The following TBC1D5 variants were observed in gnomAD, a reference collection of about 807,000 sequenced individuals.
TBC1D5 encodes TBC1 domain family member 5.
Under a neutral mutation model 100.3 loss-of-function variants are expected in TBC1D5, and 75 were observed. The ratio of observed to expected loss-of-function variants is 0.75; its 90% CI spans 0.62 to 0.91. The LOEUF (loss-of-function observed/expected upper bound fraction) is 0.91, where lower values mean the gene tolerates loss of function less well. TBC1D5 is among the 40% of genes least tolerant of loss of function. The pLI is 0.00. For missense variants in TBC1D5, 910 were observed against 942.4 expected (o/e 0.97, Z 0.45); for synonymous variants, 323 against 325.6 (o/e 0.99, Z 0.09).
chr3:17,688,143 T>G (rs1260655567), intron 1 of TBC1D5, among the ~76,000 whole-genome samples: 7 of 152,150 alleles, frequency 4.6e-5, no homozygotes, highest in Admixed American at 2.0e-4. Context: ...TGGAGAACTG[T>G]TCACAGTATT....
At chr3:17,296,191 T>C (rs890395668) in intron 14 of TBC1D5, among the ~76,000 whole-genome samples, 4 of 152,170 alleles carry the variant, frequency 2.6e-5, no homozygotes, top group Non-Finnish European at 5.9e-5. Flanking sequence ...CAAATAATCA[T>C]GGATTAAGTA....
intron 1 of TBC1D5, among the ~76,000 whole-genome samples, chr3:17,655,551 C>T (rs931651345): frequency 1.3e-5 from 2 of 152,010 alleles, no homozygotes; most frequent in African/African-American, 4.8e-5. Flanking sequence ...CACATCGTGG[C>T]ATCCAAATAC....
intron 2 of TBC1D5, among the ~76,000 whole-genome samples, chr3:17,559,967 A>G (rs1003952380): frequency 6.6e-6 from 1 of 152,184 alleles, no homozygotes; most frequent in Non-Finnish European, 1.5e-5. Flanking sequence ...GTTACTTTAT[A>G]TAACAAAAAC....
intron 18 of TBC1D5, 114 bp downstream of exon 19, chr3:17,214,093 G>T: frequency 1.0e-6 from 1 of 990,386 alleles, no homozygotes; most frequent in Non-Finnish European, 1.4e-6. Flanking sequence ...ATTCCTTTTA[G>T]TCCATAAAAG....
At chr3:17,214,001 C>T (rs1486996724) in intron 18 of TBC1D5, among the ~76,000 whole-genome samples, 266 of 146,760 alleles carry the variant, frequency 1.8e-3, no homozygotes, top group African/African-American at 6.5e-3. Context: ...AATGATGCTA[C>T]TTTTTTTTTT....
intron 1 of TBC1D5, among the ~76,000 whole-genome samples, chr3:17,638,064 T>A (rs2064125625): frequency 6.6e-6 from 1 of 152,156 alleles, no homozygotes; most frequent in Non-Finnish European, 1.5e-5. Flanking sequence ...TGACAATAAT[T>A]GTGAAGTACT....
intron 1 of TBC1D5, among the ~76,000 whole-genome samples, chr3:17,676,589 T>G (rs1039323836): frequency 1.3e-5 from 2 of 152,166 alleles, no homozygotes; most frequent in African/African-American, 4.8e-5. Flanking sequence ...AGGTAATTTA[T>G]AGATTCAATG....
At chr3:17,529,778 C>G (rs555554818) in intron 2 of TBC1D5, among the ~76,000 whole-genome samples, 1 of 151,998 alleles carries the variant, frequency 6.6e-6, no homozygotes, top group South Asian at 2.1e-4. Flanking sequence ...TCTCGAGTAG[C>G]TGGGATTTGA....
chr3:17,291,932 G>C lies in TBC1D5; in HGVS notation c.1208C>G (p.Ser403Ter). The C allele has an allele frequency of 6.2e-7, 1 of 1,613,940 alleles. No homozygotes were observed. The highest frequency in any genetic ancestry group is 8.5e-7 in the Non-Finnish European group (1 of 1,179,864). ...AAGGAACAGAGCCTTAAGAATCAGT[G>C]AGTGTACATCCCCGATGAATGGGTA... Residue 403 changes from serine to a stop codon, truncating the protein, a stop_gained, in exon 15 of 22, where the codon TCA becomes TGA. Coordinates refer to ENST00000253692, the Ensembl canonical transcript of TBC1D5. LOFTEE classifies it high-confidence loss of function.
chr3:17,727,251 C>T (rs568425103), intron 1 of TBC1D5, among the ~76,000 whole-genome samples: 1 of 152,198 alleles, frequency 6.6e-6, no homozygotes, highest in African/African-American at 2.4e-5. Context: ...CACGGTGGCG[C>T]ATGCCTGTAA....
In TBC1D5 at chr3:17,223,759, G is replaced by A. The variant is rs567295261; in HGVS notation, c.1589-9389C>T. Among the ~76,000 whole-genome samples the A allele has an allele frequency of 2.0e-5, 3 of 152,172 alleles. 1 individual carries two copies. In the South Asian group the frequency reaches 6.2e-4, roughly 32 times the overall value. On this transcript the variant is annotated intron_variant, in intron 17 of 21. Transcript: ENST00000253692. ...GCCTGTAGTCCCAGCTACTCGAGCA[G>A]AGTCAGGAGAATCACTTGAACCCTG...
At chr3:17,372,915 T>C (rs1157798122) in intron 12 of TBC1D5, among the ~76,000 whole-genome samples, 1 of 152,150 alleles carries the variant, frequency 6.6e-6, no homozygotes, top group Admixed American at 6.5e-5. Context: ...CAGCAAACCT[T>C]CCCTGTAAAC....
intron 1 of TBC1D5, among the ~76,000 whole-genome samples, chr3:17,691,280 T>C (rs927401295): frequency 3.3e-5 from 5 of 152,192 alleles, no homozygotes; most frequent in African/African-American, 1.2e-4. Context: ...ACTCCCACCA[T>C]TCCTAATTCC....
At chr3:17,296,680 C>T (rs1163155226) in intron 14 of TBC1D5, among the ~76,000 whole-genome samples, 1 of 152,220 alleles carries the variant, frequency 6.6e-6, no homozygotes, top group Admixed American at 6.5e-5. Flanking sequence ...TTTTGTCTTT[C>T]TGGGTTTTCT....
At chr3:17,727,737 T>A (rs1269795121) in intron 1 of TBC1D5, among the ~76,000 whole-genome samples, 1 of 152,212 alleles carries the variant, frequency 6.6e-6, no homozygotes, top group Non-Finnish European at 1.5e-5. Flanking sequence ...AGGTGAGTTA[T>A]TTCAATGACA....
chr3:17,439,656 C>T (rs1014428221), intron 3 of TBC1D5, among the ~76,000 whole-genome samples: 14 of 151,972 alleles, frequency 9.2e-5, no homozygotes, highest in African/African-American at 2.9e-4. Flanking sequence ...TAAGGAATTA[C>T]TGTACTGTTC....
chr3:17,536,674 G>A (rs568892654), intron 2 of TBC1D5, among the ~76,000 whole-genome samples: 4 of 152,172 alleles, frequency 2.6e-5, no homozygotes, highest in Non-Finnish European at 4.4e-5. Context: ...TTGGTTTTAT[G>A]CATGTTAGGG....
intron 17 of TBC1D5, among the ~76,000 whole-genome samples, chr3:17,222,687 C>A (rs771209683): frequency 1.7e-4 from 26 of 151,472 alleles, no homozygotes; most frequent in Non-Finnish European, 3.7e-4. Flanking sequence ...TTTTGTAAAT[C>A]TTTTATGGGG....
At chr3:17,417,728 A>AT (rs1248339849) in intron 4 of TBC1D5, among the ~76,000 whole-genome samples, 4 of 152,074 alleles carry the variant, frequency 2.6e-5, no homozygotes, top group Non-Finnish European at 5.9e-5. Context: ...GGCTGGGTCA[A>AT]ATGGTATTTC....
Sources: allele counts gnomAD v4.1 joint callset (sites outside exome capture counted in the v4.1 genomes callset), GRCh38; gene constraint gnomAD v4.1.1; transcripts MANE v1.5; gene names NCBI Gene and HGNC (gene_info 2026-07-23, HGNC 2026-07-21).